Variants in CDH10 observed in about 807,000 individuals in gnomAD.
CDH10 encodes cadherin-10.
CDH10 carries 30 observed loss-of-function variants against 73.1 expected under a neutral mutation model. The ratio of observed to expected loss-of-function variants is 0.41; its 90% CI spans 0.31 to 0.56. The LOEUF (loss-of-function observed/expected upper bound fraction) is 0.56. Ranked by LOEUF, CDH10 falls within the 20% of genes least tolerant of loss-of-function variation. The pLI, the probability that CDH10 is intolerant of heterozygous loss-of-function variation, is 0.27. For missense variants in CDH10, 815 were observed against 973.7 expected, an observed-to-expected ratio of 0.84 and a Z score of 2.17; for synonymous variants, 345 against 348.2, an observed-to-expected ratio of 0.99 and a Z score of 0.10.
At chr5:24,583,822 T>C (rs1405288822) in intron 2 of CDH10, among the ~76,000 whole-genome samples, 4 of 152,128 alleles carry the variant, frequency 2.6e-5, no homozygotes, top group Non-Finnish European at 5.9e-5. Flanking sequence ...TTTTTGTATT[T>C]TTAGTAGAGA....
At chr5:24,513,320 C>G (rs1211153845) in intron 5 of CDH10, among the ~76,000 whole-genome samples, 1 of 152,014 alleles carries the variant, frequency 6.6e-6, no homozygotes, top group Non-Finnish European at 1.5e-5. Flanking sequence ...TGCCCGGCCC[C>G]TATATCACTA....
chr5:24,616,901 T>A (rs1747148559), intron 1 of CDH10, among the ~76,000 whole-genome samples: 1 of 152,192 alleles, frequency 6.6e-6, no homozygotes, highest in African/African-American at 2.4e-5. Context: ...TTTAAAAAAA[T>A]TCAAGGACAT....
chr5:24,593,095 CCA>C (rs1746254617), intron 2 of CDH10, among the ~76,000 whole-genome samples, 163 bp downstream of exon 2: 1 of 151,676 alleles, frequency 6.6e-6, no homozygotes, highest in Non-Finnish European at 1.5e-5. Flanking sequence ...TATATTCATT[CCA>C]CAGTTTTTAT....
At chr5:24,533,110 A>G (rs1171165254) in intron 5 of CDH10, among the ~76,000 whole-genome samples, 1 of 152,046 alleles carries the variant, frequency 6.6e-6, no homozygotes, top group Non-Finnish European at 1.5e-5. Flanking sequence ...TAATTTGAAA[A>G]TAATGGGACA....
rs532487426 is a variant in CDH10, at chr5:24,510,555, T to C, written c.1003-736A>G. Among the ~76,000 whole-genome samples the C allele has an allele frequency of 4.2e-4, 64 of 152,344 alleles. No individual in the cohort carries two copies. In the Middle Eastern group the frequency reaches 0.017, roughly 41 times the overall value. On this transcript the variant is annotated intron_variant, in intron 6 of 11. Coordinates refer to ENST00000264463, the MANE Select transcript of CDH10 (RefSeq NM_006727.5). ...TTTTGTTTCAAAAAGAACAAGATTCTATTTGTATTACTGCTGCTGTCTGGT... is the reference window on the plus strand; with the variant it reads ...TTTTGTTTCAAAAAGAACAAGATTCCATTTGTATTACTGCTGCTGTCTGGT...
chr5:24,607,023 A>AT (rs1018885672), intron 1 of CDH10, among the ~76,000 whole-genome samples: 2 of 152,122 alleles, frequency 1.3e-5, no homozygotes, highest in African/African-American at 4.8e-5. Context: ...TCAAATATAT[A>AT]TTTTTTTAAT....
At chr5:24,502,278 A>G (rs529359944) in intron 8 of CDH10, among the ~76,000 whole-genome samples, 41 of 152,294 alleles carry the variant, frequency 2.7e-4, no homozygotes, top group African/African-American at 8.4e-4. Flanking sequence ...ATTCCGTGAT[A>G]TGATGCACTA....
At chr5:24,618,816 T>C (rs1335524273) in intron 1 of CDH10, among the ~76,000 whole-genome samples, 1 of 152,214 alleles carries the variant, frequency 6.6e-6, no homozygotes, top group South Asian at 2.1e-4. Context: ...CTGGTCTTTG[T>C]AGAGCTTATT....
chr5:24,566,317 G>A (rs1745163331), intron 2 of CDH10, among the ~76,000 whole-genome samples: 1 of 152,084 alleles, frequency 6.6e-6, no homozygotes, highest in African/African-American at 2.4e-5. Context: ...CAAAGTGCTG[G>A]GAGTACAGGA....
intron 2 of CDH10, chr5:24,554,117 G>GAGAGAGAGAGTGAGT (rs1377523348): frequency 2.4e-5 from 1 of 41,840 alleles, no homozygotes; most frequent in Non-Finnish European, 5.4e-5. Context: ...TGGGCGGGGG[G>GAGAGAGAGAGTGAGT]GGGAGAGAGA....
intron 8 of CDH10, among the ~76,000 whole-genome samples, chr5:24,502,540 T>C (rs1742538160): frequency 6.6e-6 from 1 of 152,130 alleles, no homozygotes; most frequent in Admixed American, 6.5e-5. Context: ...AACAGAATAA[T>C]GGGATCCTGG....
At chr5:24,588,579 C>A (rs1365546643) in intron 2 of CDH10, among the ~76,000 whole-genome samples, 1 of 152,154 alleles carries the variant, frequency 6.6e-6, no homozygotes, top group East Asian at 1.9e-4. Context: ...GAGGTCAGAA[C>A]AGCTTCTCCT....
intron 1 of CDH10, among the ~76,000 whole-genome samples, chr5:24,610,157 C>T (rs1746897127): frequency 6.6e-6 from 1 of 152,168 alleles, no homozygotes; most frequent in Non-Finnish European, 1.5e-5. Flanking sequence ...AATAAACTTT[C>T]TTATGTTGCC....
intron 1 of CDH10, among the ~76,000 whole-genome samples, chr5:24,629,304 A>C (rs1370888559): frequency 6.6e-6 from 1 of 152,164 alleles, no homozygotes; most frequent in Non-Finnish European, 1.5e-5. Flanking sequence ...AGTTACAATT[A>C]TGAATCTACC....
At chr5:24,570,490 G>C (rs775555593) in intron 2 of CDH10, among the ~76,000 whole-genome samples, 1 of 152,070 alleles carries the variant, frequency 6.6e-6, no homozygotes, top group Admixed American at 6.5e-5. Context: ...CCCAGAAGGT[G>C]GGTGGAGGCT....
Position 24,564,142 on chromosome 5 carries a change from T to A in CDH10, c.232-26468A>T, listed in dbSNP as rs78631346. Among the ~76,000 whole-genome samples, 989 of 152,316 alleles carry A rather than the reference T, an allele frequency of 6.5e-3. 8 individuals carry two copies. Among genetic ancestry groups the A allele is most frequent in the Middle Eastern group, 0.01 (3 of 294 alleles). On this transcript the variant is annotated intron_variant, in intron 2 of 11. Coordinates refer to ENST00000264463, the MANE Select transcript of CDH10 (RefSeq NM_006727.5). ...ACAAATATCTCTGTAATATGTGTAT[T>A]CATTGCTATTGGGACACTGCTTTCC...
chr5:24,553,278 C>T (rs1029523826), intron 2 of CDH10, among the ~76,000 whole-genome samples: 1 of 151,956 alleles, frequency 6.6e-6, no homozygotes, highest in Non-Finnish European at 1.5e-5. Flanking sequence ...TGGTATTGTT[C>T]CTTGGTGTGT....
At chr5:24,500,114 G>T (rs1311745971) in intron 8 of CDH10, among the ~76,000 whole-genome samples, 1 of 152,054 alleles carries the variant, frequency 6.6e-6, no homozygotes, top group Non-Finnish European at 1.5e-5. Flanking sequence ...ACGTCTTAAG[G>T]TAATCTAAAT....
intron 5 of CDH10, among the ~76,000 whole-genome samples, chr5:24,515,101 G>T (rs1743060084): frequency 6.6e-6 from 1 of 151,898 alleles, no homozygotes; most frequent in South Asian, 2.1e-4. Flanking sequence ...TATTTTAAAA[G>T]AATAAAATTA....
Sources: allele counts gnomAD v4.1 joint callset (sites outside exome capture counted in the v4.1 genomes callset), GRCh38; gene constraint gnomAD v4.1.1; transcripts MANE v1.5; gene names NCBI Gene and HGNC (gene_info 2026-07-23, HGNC 2026-07-21).